Variants in RNF144A observed in about 807,000 individuals in gnomAD.
RNF144A encodes ring finger protein 144A.
A neutral mutation model predicts 38.7 loss-of-function variants in RNF144A; 11 were observed. That is an observed-to-expected ratio of 0.28 (90% CI 0.18 to 0.47). The LOEUF (loss-of-function observed/expected upper bound fraction) is 0.47, where lower values mean the gene tolerates loss of function less well. Ranked by LOEUF, RNF144A falls within the 20% of genes least tolerant of loss-of-function variation. The pLI, the probability that RNF144A is intolerant of heterozygous loss-of-function variation, is 0.99. For synonymous variants in RNF144A, 149 were observed against 143.9 expected, an observed-to-expected ratio of 1.04 and a Z score of -0.25; for missense variants, 316 against 377.2, an observed-to-expected ratio of 0.84 and a Z score of 1.34.
At chr2:6,967,379 T>C (rs781667700) in intron 2 of RNF144A, among the ~76,000 whole-genome samples, 24 of 152,172 alleles carry the variant, frequency 1.6e-4, no homozygotes, top group Non-Finnish European at 2.9e-4. Flanking sequence ...TGAGCACCAG[T>C]GTTATGGGGG....
intron 2 of RNF144A, among the ~76,000 whole-genome samples, chr2:6,993,645 T>C (rs1263038564): frequency 6.6e-6 from 1 of 152,034 alleles, no homozygotes; most frequent in African/African-American, 2.4e-5. Flanking sequence ...CGTTCTCGGG[T>C]GATGTCCAGG....
chr2:6,965,308 A>T (rs896676853), intron 2 of RNF144A, among the ~76,000 whole-genome samples: 15 of 152,276 alleles, frequency 9.9e-5, no homozygotes, highest in Middle Eastern at 3.4e-3. Context: ...GGAGGCTGTC[A>T]TAGGAGGCAG....
intron 6 of RNF144A, among the ~76,000 whole-genome samples, chr2:7,066,319 C>T (rs534994912): frequency 6.6e-6 from 1 of 152,204 alleles, no homozygotes; most frequent in South Asian, 2.1e-4. Flanking sequence ...GATCTCCTGA[C>T]CTCGTGATCT....
At chr2:7,029,977 G>A in intron 7 of RNF144A, 149 bp from the exon 8 acceptor site, 2 of 626,348 alleles carry the variant, frequency 3.2e-6, no homozygotes, top group Non-Finnish European at 5.7e-6. Context: ...GTGGCCAGGT[G>A]TTCCCGGATG....
intron 1 of RNF144A, chr2:6,918,657 G>A (rs1664312086): frequency 6.7e-6 from 1 of 149,892 alleles, no homozygotes; most frequent in East Asian, 2.0e-4. Flanking sequence ...CCAGCTACTC[G>A]GGAGGCTGAG....
downstream of RNF144A, among the ~76,000 whole-genome samples, chr2:7,069,814 C>G (rs984761855): frequency 1.3e-5 from 2 of 152,336 alleles, no homozygotes; most frequent in African/African-American, 2.4e-5. Flanking sequence ...CAAGTTCTAA[C>G]TAGAAGTATC....
chr2:6,970,716 AGG>A (rs1361161945), intron 2 of RNF144A, among the ~76,000 whole-genome samples: 1 of 152,200 alleles, frequency 6.6e-6, no homozygotes, highest in African/African-American at 2.4e-5. Context: ...CAATGAGCCC[AGG>A]GTCTGTCCCA....
intron 2 of RNF144A, among the ~76,000 whole-genome samples, chr2:6,945,531 C>T (rs544261420): frequency 9.9e-5 from 15 of 152,192 alleles, no homozygotes; most frequent in South Asian, 2.1e-4. Flanking sequence ...TGGAGGGAGA[C>T]GGTCAACTAC....
At chr2:6,942,973 A>G (rs1666109794) in intron 2 of RNF144A, among the ~76,000 whole-genome samples, 1 of 152,214 alleles carries the variant, frequency 6.6e-6, no homozygotes, top group Non-Finnish European at 1.5e-5. Flanking sequence ...GACAAAAGCG[A>G]GACTCCATCT....
downstream of RNF144A, among the ~76,000 whole-genome samples, chr2:7,044,689 T>C (rs1159217760): frequency 1.3e-5 from 2 of 152,238 alleles, no homozygotes; most frequent in African/African-American, 4.8e-5. Context: ...GCTGAAGATG[T>C]GGTGGTTCAC....
chr2:7,045,058 A>G (rs1245068042), downstream of RNF144A, among the ~76,000 whole-genome samples: 1 of 152,264 alleles, frequency 6.6e-6, no homozygotes, highest in Non-Finnish European at 1.5e-5. Flanking sequence ...AAGGCTGTCC[A>G]GAGGACGCCA....
intron 2 of RNF144A, among the ~76,000 whole-genome samples, chr2:6,956,245 T>C (rs1370880256): frequency 1.3e-5 from 2 of 149,212 alleles, no homozygotes. Flanking sequence ...TGTTTTTTTT[T>C]CGGGGGGTGG....
chr2:6,960,707 C>T (rs1206661172), intron 2 of RNF144A, among the ~76,000 whole-genome samples: 3 of 152,162 alleles, frequency 2.0e-5, no homozygotes, highest in Non-Finnish European at 4.4e-5. Context: ...AAGGCGCTTC[C>T]ACACCTGAAA....
chr2:7,036,953 C>G (rs1672721205), intron 8 of RNF144A, among the ~76,000 whole-genome samples: 2 of 152,100 alleles, frequency 1.3e-5, no homozygotes, highest in Non-Finnish European at 2.9e-5. Context: ...AAAGAGTGTT[C>G]TGGCTTTAAG....
rs572257554 is a variant in RNF144A at position 6,955,443 on chromosome 2, G to A, written c.-12+14296G>A. On this transcript the variant is annotated intron_variant, in intron 2 of 8. Coordinates refer to ENST00000320892, the MANE Select transcript of RNF144A (RefSeq NM_014746.6). ...ATTACAGAGGAGGGATCAGAGACCC[G>A]TGGGGATTCCAGGGCTGGCCAGTGC... Among the ~76,000 whole-genome samples the A allele has an allele frequency of 9.2e-5, 14 of 152,202 alleles. No individual in the cohort carries two copies. In the South Asian group the frequency reaches 2.1e-3, roughly 23 times the overall value.
intron 2 of RNF144A, among the ~76,000 whole-genome samples, chr2:6,989,612 C>T (rs1009497371): frequency 6.6e-6 from 1 of 152,082 alleles, no homozygotes; most frequent in Admixed American, 6.6e-5. Flanking sequence ...TTTTAAATTG[C>T]ATGCATTAAG....
At chr2:7,022,790 G>C (rs987546726) in intron 6 of RNF144A, among the ~76,000 whole-genome samples, 5 of 152,174 alleles carry the variant, frequency 3.3e-5, no homozygotes, top group African/African-American at 1.2e-4. Flanking sequence ...CTGGCTCTGT[G>C]CTGGATCCCT....
the RNF144A span, among the ~76,000 whole-genome samples, chr2:7,076,138 C>T: frequency 1.7e-4 from 26 of 152,312 alleles, 1 homozygote; most frequent in South Asian, 2.5e-3. Flanking sequence ...ATGCTTAAAA[C>T]TCCAAGCCCT....
intron 1 of RNF144A, among the ~76,000 whole-genome samples, chr2:6,926,294 G>T (rs528388580): frequency 4.1e-4 from 63 of 152,352 alleles, no homozygotes; most frequent in African/African-American, 1.4e-3. Flanking sequence ...GGCTGACTCT[G>T]TTCAGGGCCC....
Sources: gnomAD v4.1 joint callset for allele counts (sites outside exome capture counted in the v4.1 genomes callset) on GRCh38, gnomAD v4.1.1 for gene constraint, MANE v1.5 for transcripts, NCBI Gene and HGNC (gene_info 2026-07-23, HGNC 2026-07-21) for gene names.